The following MCMDC2 variants were observed in gnomAD, a reference collection of about 807,000 sequenced individuals.
MCMDC2 encodes minichromosome maintenance domain-containing protein 2.
A neutral mutation model predicts 75.8 loss-of-function variants in MCMDC2; 54 were observed. The observed-to-expected ratio is 0.71, with a 90% confidence interval of 0.57 to 0.89. The LOEUF is 0.89. Ranked by LOEUF, MCMDC2 falls within the 40% of genes least tolerant of loss-of-function variation. The pLI is 0.00. For synonymous variants in MCMDC2, 249 were observed against 274.6 expected (o/e 0.91, Z 0.92); for missense variants, 656 against 780.4 (o/e 0.84, Z 1.90).
Position 66,896,270 on chromosome 8 carries a change from T to A in MCMDC2, c.1380T>A (p.Ser460=). ...MTFPVQCSFW[S]FVDVDSSSRR... is the part of the protein sequence containing the mutation. ...TTCCAGTTCAGTGCAGTTTTTGGTC[T>A]TTTGTTGATGTGGATTCATCTTCAA... is the stretch of plus-strand genomic sequence containing the variant. Residue 460 remains serine, a synonymous_variant, in exon 11 of 15, where the codon TCT becomes TCA. Transcript: ENST00000422365. 6.2e-7 allele frequency: 1 copy of A among 1,611,324 alleles called. No individual in the cohort carries two copies. Among genetic ancestry groups the A allele is most frequent in the Non-Finnish European group, 8.5e-7 (1 of 1,179,576 alleles).
At chr8:66,922,499 A>G (rs758136056), downstream of MCMDC2, 3 of 518,802 alleles carry the variant, frequency 5.8e-6, no homozygotes, top group African/African-American at 5.8e-5. Context: ...TATTTCTTCA[A>G]AGACAACCTC....
At chr8:66,901,731 G>A in intron 13 of MCMDC2, 1 of 563,942 alleles carries the variant, frequency 1.8e-6, no homozygotes. Context: ...AGGAGTTCAA[G>A]ACCAGCCTGG....
In MCMDC2 at chr8:66,899,728, C is replaced by G. The variant is rs1812547587; in HGVS notation, c.1627-1478C>G. Among the ~76,000 whole-genome samples, 3 of 151,976 alleles carry G rather than the reference C, an allele frequency of 2.0e-5. No homozygotes were observed. The South Asian group carries it at 6.2e-4, about 32-fold the overall frequency. ...GGCCAGGATGGTCTCAATCTCTTGA[C>G]CTCGTGATCTACCCACCTCGGCCTC... is the stretch of plus-strand genomic sequence containing the variant. On this transcript the variant is annotated intron_variant, in intron 12 of 14. Transcript: ENST00000422365.
chr8:66,902,708 AAAAATATATATAT>A (rs1812735645), intron 13 of MCMDC2, among the ~76,000 whole-genome samples: 1 of 121,874 alleles, frequency 8.2e-6, no homozygotes. Context: ...AAAAAAAAAA[AAAAATATATATAT>A]ATATATATAT....
chr8:66,890,886 C>A lies in MCMDC2; in HGVS notation c.1095C>A (p.Asn365Lys). 1 of 1,609,030 alleles carries A rather than the reference C, an allele frequency of 6.2e-7. No homozygotes were observed. Among genetic ancestry groups the A allele is most frequent in the Non-Finnish European group, 8.5e-7 (1 of 1,178,854 alleles). ...LIDRLLNFSI[N>K]LVPRGIRHLV... ...CTAGGCTTCTGAATTTTAGCATAAA[C>A]CTTGTCCCCCGTGGTATACGTCATC... The change falls in exon 10 of 15, where the codon AAC (asparagine) becomes AAA (lysine). Residue 365 changes from asparagine to lysine, a missense_variant. Physicochemically the swap from Asn to Lys is moderately conservative, Grantham distance 94. Coordinates refer to ENST00000422365, the MANE Select transcript of MCMDC2 (RefSeq NM_173518.5).
At chr8:66,882,519 C>T (rs1811634803) in intron 8 of MCMDC2, among the ~76,000 whole-genome samples, 1 of 152,132 alleles carries the variant, frequency 6.6e-6, no homozygotes, top group Non-Finnish European at 1.5e-5. Flanking sequence ...GTGCTCACCA[C>T]CACGCCCAGC....
At chr8:66,922,728 G>T, downstream of MCMDC2, 2 of 254,116 alleles carry the variant, frequency 7.9e-6, no homozygotes, top group South Asian at 3.9e-5. Context: ...TCTTGCACCT[G>T]GAAATTAAAT....
At chr8:66,893,366 A>G (rs1812201312) in intron 10 of MCMDC2, among the ~76,000 whole-genome samples, 1 of 152,206 alleles carries the variant, frequency 6.6e-6, no homozygotes, top group African/African-American at 2.4e-5. Flanking sequence ...AATAAAAGCA[A>G]AATGAGGGTG....
At chr8:66,917,206 A>T (rs764966893) in intron 14 of MCMDC2, among the ~76,000 whole-genome samples, 24 of 152,110 alleles carry the variant, frequency 1.6e-4, no homozygotes, top group Non-Finnish European at 3.1e-4. Context: ...TTCTTAAGAG[A>T]TAGTAAGCTT....
chr8:66,900,311 G>A (rs1459403546), intron 12 of MCMDC2, among the ~76,000 whole-genome samples: 1 of 151,402 alleles, frequency 6.6e-6, no homozygotes, highest in South Asian at 2.1e-4. Flanking sequence ...GGTGGTACGC[G>A]CCTATAATCC....
intron 14 of MCMDC2, among the ~76,000 whole-genome samples, chr8:66,915,338 A>G (rs1813270369): frequency 6.6e-6 from 1 of 151,536 alleles, no homozygotes; most frequent in African/African-American, 2.4e-5. Context: ...TGTAATCCCA[A>G]CTACTCGGGA....
intron 9 of MCMDC2, among the ~76,000 whole-genome samples, chr8:66,886,669 G>A (rs1305007779): frequency 6.6e-6 from 1 of 152,020 alleles, no homozygotes; most frequent in African/African-American, 2.4e-5. Flanking sequence ...GCTACACTTG[G>A]GAAGCTGAGG....
At chr8:66,925,547 G>A (rs1185338001), downstream of MCMDC2, 6 of 152,332 alleles carry the variant, frequency 3.9e-5, no homozygotes, top group African/African-American at 1.4e-4. Context: ...GAAAGGAAGA[G>A]CGACATCGGA....
Position 66,901,310 on chromosome 8 carries a change from A to G in MCMDC2, c.1731A>G (p.Val577=), listed in dbSNP as rs150028088. Residue 577 remains valine (V), a synonymous_variant, in exon 13 of 15, where the codon GTA becomes GTG. Transcript: ENST00000422365. ...LASRRIRTGS[V]CGSKLSASAL... is the part of the protein sequence containing the mutation. The stretch of plus-strand genomic sequence containing the variant: ...GTCGCAGAATCAGAACAGGCTCTGT[A>G]TGTGGATCAAAGCTGTCAGCATCTG... 9.3e-6 allele frequency: 15 copies of G among 1,613,224 alleles called. No homozygotes were observed. The African/African-American group carries it at 1.9e-4, about 20-fold the overall frequency.
chr8:66,906,762 A>G (rs1812917590), intron 14 of MCMDC2, among the ~76,000 whole-genome samples: 1 of 150,824 alleles, frequency 6.6e-6, no homozygotes, highest in South Asian at 2.1e-4. Context: ...TCTTTTTTAA[A>G]TTATTATTTA....
At chr8:66,882,921 TG>T (rs1242007754) in intron 8 of MCMDC2, among the ~76,000 whole-genome samples, 1 of 152,170 alleles carries the variant, frequency 6.6e-6, no homozygotes, top group Non-Finnish European at 1.5e-5. Context: ...AGGTGGAGAG[TG>T]TGCTTTCTTA....
At chr8:66,882,686 C>G (rs943286518) in intron 8 of MCMDC2, among the ~76,000 whole-genome samples, 10 of 152,066 alleles carry the variant, frequency 6.6e-5, no homozygotes, top group African/African-American at 2.2e-4. Flanking sequence ...TCTTTAGCCT[C>G]CATACTGTGG....
At chr8:66,896,640 A>T (rs962842414) in intron 11 of MCMDC2, 140 bp from the exon 12 acceptor site, 17 of 665,782 alleles carry the variant, frequency 2.6e-5, no homozygotes, top group African/African-American at 2.4e-4. Flanking sequence ...TTATTAAAAA[A>T]TTACCTTAAA....
At chr8:66,871,900 C>CAAA (rs397939776) in intron 1 of MCMDC2, among the ~76,000 whole-genome samples, 69 of 138,790 alleles carry the variant, frequency 5.0e-4, no homozygotes, top group African/African-American at 1.6e-3. Flanking sequence ...GACCCTGTCT[C>CAAA]AAAAAAAAAA....
Sources: allele counts gnomAD v4.1 joint callset (sites outside exome capture counted in the v4.1 genomes callset), GRCh38; gene constraint gnomAD v4.1.1; transcripts MANE v1.5; gene names NCBI Gene and HGNC (gene_info 2026-07-23, HGNC 2026-07-21).